CMTM3: variants seen among roughly 807,000 people sequenced by gnomAD.
The protein encoded by CMTM3 is CKLF like MARVEL transmembrane domain containing 3.
CMTM3 carries 7 observed loss-of-function variants against 18.2 expected under a neutral mutation model. That is an observed-to-expected ratio of 0.38 (90% CI 0.22 to 0.72). The LOEUF is 0.72. Among genes scored for constraint, CMTM3 ranks in the 30% least tolerant of loss-of-function variants. The probability of loss-of-function intolerance (pLI) is 0.46; values close to 1 mark genes in which losing one functional copy is unlikely to be tolerated. For synonymous variants in CMTM3, 109 were observed against 111.2 expected (o/e 0.98, Z 0.12); for missense variants, 227 against 249.2 (o/e 0.91, Z 0.60).
upstream of CMTM3, chr16:66,604,679 C>T (rs1018053969): frequency 1.6e-5 from 11 of 702,424 alleles, no homozygotes; most frequent in Admixed American, 9.6e-5. Context: ...GGCGTGGCGG[C>T]GGGGGATGCG....
intron 4 of CMTM3, chr16:66,611,076 G>GT (rs762757809): frequency 4.9e-4 from 194 of 393,298 alleles, no homozygotes; most frequent in South Asian, 1.7e-3. Context: ...GTTTTATTTT[G>GT]TTTTTTTTGT....
chr16:66,606,730 T>C (rs547906817), intron 1 of CMTM3, among the ~76,000 whole-genome samples: 1 of 152,304 alleles, frequency 6.6e-6, no homozygotes, highest in South Asian at 2.1e-4. Context: ...TGGTGGCTCA[T>C]GCCTGTAATC....
Position 66,609,883 on chromosome 16 carries a change from G to A in CMTM3, c.400G>A (p.Val134Met). The change falls in exon 4 of 5, where the codon GTG (valine) becomes ATG (methionine). Residue 134 changes from valine to methionine, a missense_variant and splice_region_variant. By Grantham distance (21) the Val-to-Met change is conservative. Coordinates refer to ENST00000567572, the MANE Select transcript of CMTM3 (RefSeq NM_181553.4). The surrounding 1 kb of genome is among the most constrained non-coding windows in gnomAD (Gnocchi z 4.4). ...YSDGASKAAG[V>M]FGFFATIVFA... Reference sequence around the variant, plus strand: ...TGCATCCCATCCACCCTGTCCACAGGTGTTTGGCTTCTTTGCTACCATCGT... The same window carrying A: ...TGCATCCCATCCACCCTGTCCACAGATGTTTGGCTTCTTTGCTACCATCGT... 6.2e-7 allele frequency: 1 copy of A among 1,614,188 alleles called. No individual in the cohort carries two copies. Among genetic ancestry groups the A allele is most frequent in the Non-Finnish European group, 8.5e-7 (1 of 1,180,040 alleles).
chr16:66,613,260 T>C lies in CMTM3; in HGVS notation c.*623T>C, dbSNP rs979347422. 9 of 644,064 alleles carry C rather than the reference T, an allele frequency of 1.4e-5. No individual in the cohort carries two copies. The highest frequency in any genetic ancestry group is 2.0e-5 in the Non-Finnish European group (7 of 356,746). 39.9% of individuals were successfully genotyped at this position (644,064 alleles called of 1,614,324 possible). A position where few individuals can be genotyped will look rare whatever the true frequency, so the allele number is the denominator to read the frequency against. On this transcript the variant is annotated 3_prime_UTR_variant, in exon 5 of 5. Coordinates refer to ENST00000567572, the MANE Select transcript of CMTM3 (RefSeq NM_181553.4). ...TAACACCTCCCACCCTTGGAAACCA[T>C]GTCTTCTGGGGGTGAGATGACCATT...
upstream of CMTM3, chr16:66,604,629 G>A (rs527319626): frequency 2.5e-5 from 11 of 443,716 alleles, no homozygotes; most frequent in East Asian, 3.9e-4. Flanking sequence ...GGGGTCCGAG[G>A]GGGAGGGGCG....
Position 66,612,517 on chromosome 16 carries a change from T to C in CMTM3, c.521-92T>C. 1 of 1,382,548 alleles carries C rather than the reference T, an allele frequency of 7.2e-7. No homozygotes were observed. Among genetic ancestry groups the C allele is most frequent in the Non-Finnish European group, 1.0e-6 (1 of 987,034 alleles). 85.6% of individuals were successfully genotyped at this position (1,382,548 alleles called of 1,614,324 possible). On this transcript the variant is annotated intron_variant, in intron 4 of 4. Coordinates refer to ENST00000567572, the MANE Select transcript of CMTM3 (RefSeq NM_181553.4). The surrounding 1 kb of genome is among the most constrained non-coding windows in gnomAD (Gnocchi z 6.0). ...TGCAGGAGGCCTGCACCCAGGCTCC[T>C]GCCAGCAACCCAGCTGTGCTTCCCC...
Position 66,609,551 on chromosome 16 carries a change from T to A in CMTM3, c.399+21T>A. On this transcript the variant is annotated intron_variant, in intron 3 of 4. Coordinates refer to ENST00000567572, the MANE Select transcript of CMTM3 (RefSeq NM_181553.4). The surrounding 1 kb of genome is among the most constrained non-coding windows in gnomAD (Gnocchi z 4.4). ...CTGGGGTGAGCAGCCGCCCCACCCC[T>A]CTGGAAACTGCAGATGCCCCTCTAG... The A allele has an allele frequency of 6.4e-7, 1 of 1,573,600 alleles. No homozygotes were observed.
In CMTM3 at chr16:66,609,299, T is replaced by G. The variant is rs2015279027; in HGVS notation, c.304-136T>G. On this transcript the variant is annotated intron_variant, in intron 2 of 4. Coordinates refer to ENST00000567572, the MANE Select transcript of CMTM3 (RefSeq NM_181553.4). This position sits in a 1 kb window ranked among gnomAD's most constrained non-coding sequence, Gnocchi z 4.4. ...CGGGGGTGGGACAAGGGCCTAGGCA[T>G]GTGGGTGGGGCCAGGATGGGATAGG... 4 of 703,918 alleles carry G rather than the reference T, an allele frequency of 5.7e-6. No individual in the cohort carries two copies. In the Admixed American group the frequency reaches 1.0e-4, roughly 18 times the overall value. The allele number at this position is 703,918 out of a possible 1,614,324, so 43.6% of individuals were successfully genotyped here. A position where few individuals can be genotyped will look rare whatever the true frequency, so the allele number is the denominator to read the frequency against.
rs766399951 is a variant in CMTM3, at chr16:66,604,860, C to T, written c.55C>T (p.Arg19Cys). The T allele has an allele frequency of 2.5e-5, 35 of 1,389,880 alleles. No homozygotes were observed. The highest frequency in any genetic ancestry group is 3.1e-5 in the East Asian group (1 of 32,298). The allele number at this position is 1,389,880 out of a possible 1,614,324, so 86.1% of individuals were successfully genotyped here. A position where few individuals can be genotyped will look rare whatever the true frequency, so the allele number is the denominator to read the frequency against. The change falls in exon 1 of 5, where the codon CGT becomes TGT. Residue 19 changes from arginine to cysteine, a missense_variant. Physicochemically the swap from Arg to Cys is radical, Grantham distance 180. Transcript: ENST00000567572. ...GGACCCCGAGCCTGCCGGCGGCTCC[C>T]GTCCCGGCCCCGCGGTCCCCGGGCT... The part of the protein sequence containing the change: ...DPDPEPAGGS[R>C]PGPAVPGLRA...
In CMTM3 at chr16:66,608,558, T is replaced by TAGAGAA; in HGVS notation, c.303+96_303+97insAGAAAG. On this transcript the variant is annotated intron_variant, in intron 2 of 4. Coordinates refer to ENST00000567572, the MANE Select transcript of CMTM3 (RefSeq NM_181553.4). This position sits in a 1 kb window ranked among gnomAD's most constrained non-coding sequence, Gnocchi z 5.1. ...TGCACTTGGGCCCTTATCCTTTCTC[T>TAGAGAA]AGTGTGCTGGAGTTTGCAGTTGGTT... 1 of 1,293,460 alleles carries TAGAGAA rather than the reference T, an allele frequency of 7.7e-7. No individual in the cohort carries two copies. Among genetic ancestry groups the TAGAGAA allele is most frequent in the Non-Finnish European group, 1.1e-6 (1 of 926,622 alleles). The allele number at this position is 1,293,460 out of a possible 1,614,324, so 80.1% of individuals were successfully genotyped here. A position where few individuals can be genotyped will look rare whatever the true frequency, so the allele number is the denominator to read the frequency against.
Position 66,608,588 on chromosome 16 carries a change from C to T in CMTM3, c.303+124C>T. On this transcript the variant is annotated intron_variant, in intron 2 of 4. Coordinates refer to ENST00000567572, the MANE Select transcript of CMTM3 (RefSeq NM_181553.4). The surrounding 1 kb of genome is among the most constrained non-coding windows in gnomAD (Gnocchi z 5.1). ...TGCTGGAGTTTGCAGTTGGTTAGAA[C>T]TGGATGGAGAGACCCAGCTTCAGAT... 1.1e-6 allele frequency: 1 copy of T among 935,040 alleles called. No homozygotes were observed. The highest frequency in any genetic ancestry group is 1.6e-6 in the Non-Finnish European group (1 of 629,738). The allele number at this position is 935,040 out of a possible 1,614,324, so 57.9% of individuals were successfully genotyped here. A position where few individuals can be genotyped will look rare whatever the true frequency, so the allele number is the denominator to read the frequency against.
At position 66,609,159 on chromosome 16, in the gene CMTM3, C is replaced by T. The variant is rs1191314948; in HGVS notation, c.304-276C>T. Among the ~76,000 whole-genome samples, 1 of 151,748 alleles carries T rather than the reference C, an allele frequency of 6.6e-6. No individual in the cohort carries two copies. The highest frequency in any genetic ancestry group is 6.6e-5 in the Admixed American group (1 of 15,240). On this transcript the variant is annotated intron_variant, in intron 2 of 4. Coordinates refer to ENST00000567572, the MANE Select transcript of CMTM3 (RefSeq NM_181553.4). The surrounding 1 kb of genome is among the most constrained non-coding windows in gnomAD (Gnocchi z 4.4). ...TTTCCAACTTCTGCTTCCACCGCAT[C>T]GCAGGGCAGGCTGCACCCTGATCCA...
chr16:66,604,711 C>T lies in CMTM3; in HGVS notation c.-95C>T. 3.0e-6 allele frequency: 3 copies of T among 1,004,246 alleles called. No homozygotes were observed. Among genetic ancestry groups the T allele is most frequent in the Non-Finnish European group, 3.8e-6 (3 of 788,922 alleles). 62.2% of individuals were successfully genotyped at this position (1,004,246 alleles called of 1,614,324 possible). A position where few individuals can be genotyped will look rare whatever the true frequency, so the allele number is the denominator to read the frequency against. On this transcript the variant is annotated 5_prime_UTR_variant, in exon 1 of 5. Transcript: ENST00000567572. Reference sequence around the variant, plus strand: ...TGCGCCCCTGCGCGAGCCAGTGTCGCCTGCCCTCCTTCCGCACAGCCCGGG... The same window carrying T: ...TGCGCCCCTGCGCGAGCCAGTGTCGTCTGCCCTCCTTCCGCACAGCCCGGG...
At chr16:66,611,447 T>A (rs2015372776) in intron 4 of CMTM3, among the ~76,000 whole-genome samples, 1 of 151,746 alleles carries the variant, frequency 6.6e-6, no homozygotes, top group Admixed American at 6.6e-5. Context: ...AGACTCCATC[T>A]CGGGGGGAAA....
intron 4 of CMTM3, among the ~76,000 whole-genome samples, chr16:66,611,912 G>A (rs1335943534): frequency 6.6e-6 from 1 of 152,102 alleles, no homozygotes; most frequent in Admixed American, 6.5e-5. Context: ...TTTTAGTTTG[G>A]GGGACAAGAA....
At position 66,609,453 on chromosome 16, in the gene CMTM3, A is replaced by C. The variant is rs1423221184; in HGVS notation, c.322A>C (p.Thr108Pro). The C allele has an allele frequency of 5.0e-6, 8 of 1,612,826 alleles. No homozygotes were observed. Among genetic ancestry groups the C allele is most frequent in the African/African-American group, 1.3e-5 (1 of 74,910 alleles). Residue 108 changes from threonine to proline, a missense_variant, in exon 3 of 5, where the codon ACC (threonine) becomes CCC (proline). Physicochemically the swap from Thr to Pro is conservative, Grantham distance 38. Coordinates refer to ENST00000567572, the MANE Select transcript of CMTM3 (RefSeq NM_181553.4). The surrounding 1 kb of genome is among the most constrained non-coding windows in gnomAD (Gnocchi z 4.4). ...WPMMDFLRCV[T>P]AALIYFAISI... ...TCCCCAGGACTTCCTGCGCTGTGTC[A>C]CCGCGGCCCTCATCTACTTTGCTAT...
Position 66,604,942 on chromosome 16 carries a change from TG to T in CMTM3, c.139del (p.Ala47ProfsTer43). On this transcript the variant is annotated frameshift_variant, in exon 1 of 5. Transcript: ENST00000567572. LOFTEE classifies it high-confidence loss of function. ...FLCSLKGRLL[L>X]AESGLSFITF... ...TGCTCTCTCAAAGGCCGCCTCCTGCTGGCCGAGTCGGTGAGTGCGGCGGGAC... is the reference window on the plus strand; with the variant it reads ...TGCTCTCTCAAAGGCCGCCTCCTGCTGCCGAGTCGGTGAGTGCGGCGGGAC... The T allele has an allele frequency of 6.6e-7, 1 of 1,503,914 alleles. No homozygotes were observed. Among genetic ancestry groups the T allele is most frequent in the Non-Finnish European group, 8.8e-7 (1 of 1,137,034 alleles). 93.2% of individuals were successfully genotyped at this position (1,503,914 alleles called of 1,614,324 possible). A position where few individuals can be genotyped will look rare whatever the true frequency, so the allele number is the denominator to read the frequency against.
Position 66,612,692 on chromosome 16 carries a change from T to TGAGG in CMTM3, c.*55_*56insGAGG. 4 of 1,546,900 alleles carry TGAGG rather than the reference T, an allele frequency of 2.6e-6. No homozygotes were observed. The highest frequency in any genetic ancestry group is 3.6e-6 in the Non-Finnish European group (4 of 1,121,260). On this transcript the variant is annotated 3_prime_UTR_variant, in exon 5 of 5. Coordinates refer to ENST00000567572, the MANE Select transcript of CMTM3 (RefSeq NM_181553.4). The surrounding 1 kb of genome is among the most constrained non-coding windows in gnomAD (Gnocchi z 6.0). ...CCACACAGGCCTCCACCCCTGCGCC[T>TGAGG]CACAGGGGTCGCTGGCGTTGGAGCG...
Position 66,608,781 on chromosome 16 carries a change from A to G in CMTM3, c.303+317A>G, listed in dbSNP as rs2015257872. Among the ~76,000 whole-genome samples the G allele has an allele frequency of 6.6e-6, 1 of 152,156 alleles. No homozygotes were observed. The highest frequency in any genetic ancestry group is 1.5e-5 in the Non-Finnish European group (1 of 68,026). On this transcript the variant is annotated intron_variant, in intron 2 of 4. Coordinates refer to ENST00000567572, the MANE Select transcript of CMTM3 (RefSeq NM_181553.4). This position sits in a 1 kb window ranked among gnomAD's most constrained non-coding sequence, Gnocchi z 5.1. ...AGCTGCCGCCACAGGAATTCAAGCC[A>G]TTTCCACGTGGGCAGGACAGGTTAA...
Sources: gnomAD v4.1 joint callset for allele counts (sites outside exome capture counted in the v4.1 genomes callset) on GRCh38, gnomAD v4.1.1 for gene constraint, Gnocchi (gnomAD v3.1) non-coding constraint, MANE v1.5 for transcripts, NCBI Gene and HGNC (gene_info 2026-07-23, HGNC 2026-07-21) for gene names.